GJA1: variants seen among roughly 807,000 people sequenced by gnomAD.
The protein encoded by GJA1 is gap junction protein alpha 1, also known as gap junction alpha-1 protein.
In GJA1, 9 loss-of-function variants were observed where a neutral mutation model predicts 31.0. The ratio of observed to expected loss-of-function variants is 0.29; its 90% confidence interval spans 0.17 to 0.51. The LOEUF (loss-of-function observed/expected upper bound fraction) is 0.51, where lower values mean the gene tolerates loss of function less well. Among genes scored for constraint, GJA1 ranks in the 20% least tolerant of loss-of-function variants. GJA1 has a pLI of 0.98. For missense variants in GJA1, 278 were observed against 468.8 expected (o/e 0.59, Z 3.76); for synonymous variants, 186 against 180.1 (o/e 1.03, Z -0.26).
intron 1 of GJA1, among the ~76,000 whole-genome samples, chr6:121,441,602 A>G (rs1442505675): frequency 4.6e-5 from 7 of 152,186 alleles, no homozygotes; most frequent in Non-Finnish European, 1.0e-4. Flanking sequence ...GACTGGGGAA[A>G]GGATGTTGCT....
rs1208891037 is a variant in GJA1, at chr6:121,447,462, G to A, written c.615G>A (p.Glu205=). 3 of 1,613,944 alleles carry A rather than the reference G, an allele frequency of 1.9e-6. No homozygotes were observed. The highest frequency in any genetic ancestry group is 2.5e-6 in the Non-Finnish European group (3 of 1,180,032). ...QVDCFLSRPT[E]KTIFIIFMLV... ...ACTGTTTCCTCTCTCGCCCCACGGAGAAAACCATCTTCATCATCTTCATGC... is the reference window on the plus strand; with the variant it reads ...ACTGTTTCCTCTCTCGCCCCACGGAAAAAACCATCTTCATCATCTTCATGC... Residue 205 remains glutamate, a synonymous_variant, in exon 2 of 2, where the codon GAG becomes GAA. Coordinates refer to ENST00000282561, the MANE Select transcript of GJA1 (RefSeq NM_000165.5).
At chr6:121,444,115 G>A (rs1260752694) in intron 1 of GJA1, among the ~76,000 whole-genome samples, 6 of 151,798 alleles carry the variant, frequency 4.0e-5, no homozygotes, top group African/African-American at 2.4e-5. Context: ...TGTCCATCAC[G>A]GCTAAATTAC....
intron 1 of GJA1, among the ~76,000 whole-genome samples, chr6:121,440,878 A>AT (rs1241365103): frequency 6.6e-6 from 1 of 151,860 alleles, no homozygotes; most frequent in Non-Finnish European, 1.5e-5. Context: ...AGTAGCTGGG[A>AT]TTACAGGCAC....
chr6:121,445,197 G>A lies in GJA1; in HGVS notation c.-16-1635G>A, dbSNP rs146326556. On this transcript the variant is annotated intron_variant, in intron 1 of 1. Coordinates refer to ENST00000282561, the MANE Select transcript of GJA1 (RefSeq NM_000165.5). ...AGACGGAGTCTCTCTTTGTCACCCA[G>A]GCTGGAGTGCAGTGGCGTGATCTCT... is the stretch of plus-strand genomic sequence containing the variant. Among the ~76,000 whole-genome samples the A allele has an allele frequency of 7.6e-3, 1,152 of 152,316 alleles. 16 individuals carry two copies. Among genetic ancestry groups the A allele is most frequent in the African/African-American group, 0.027 (1,108 of 41,566 alleles).
chr6:121,438,489 C>T (rs1169809329), intron 1 of GJA1, among the ~76,000 whole-genome samples: 2 of 152,150 alleles, frequency 1.3e-5, no homozygotes. Context: ...ACACGGGGTG[C>T]ATTCTTTCTT....
chr6:121,441,098 A>C (rs774297841), intron 1 of GJA1, among the ~76,000 whole-genome samples: 2 of 152,116 alleles, frequency 1.3e-5, no homozygotes, highest in Non-Finnish European at 2.9e-5. Flanking sequence ...GCCCGCCACC[A>C]CGCCCGGCTA....
chr6:121,442,869 C>T (rs370001304), intron 1 of GJA1, among the ~76,000 whole-genome samples: 7 of 152,110 alleles, frequency 4.6e-5, no homozygotes, highest in Non-Finnish European at 8.8e-5. Context: ...CGGCAAAAAG[C>T]GTGGTCCAGC....
At chr6:121,437,795 A>G (rs1264224338) in intron 1 of GJA1, among the ~76,000 whole-genome samples, 3 of 152,188 alleles carry the variant, frequency 2.0e-5, no homozygotes, top group Non-Finnish European at 2.9e-5. Flanking sequence ...TATTTGGAAG[A>G]CGGTTGAATT....
chr6:121,447,036 T>C lies in GJA1; in HGVS notation c.189T>C (p.Asn63=), dbSNP rs139688042. 43 of 1,613,862 alleles carry C rather than the reference T, an allele frequency of 2.7e-5. No homozygotes were observed. The African/African-American group carries it at 4.1e-4, about 16-fold the overall frequency. Residue 63 remains asparagine, a synonymous_variant, in exon 2 of 2, where the codon AAT becomes AAC. Coordinates refer to ENST00000282561, the MANE Select transcript of GJA1 (RefSeq NM_000165.5). ...RCNTQQPGCE[N]VCYDKSFPIS... ...ACACTCAGCAACCTGGTTGTGAAAATGTCTGCTATGACAAGTCTTTCCCAA... is the reference window on the plus strand; with the variant it reads ...ACACTCAGCAACCTGGTTGTGAAAACGTCTGCTATGACAAGTCTTTCCCAA...
At chr6:121,436,363 T>C (rs1375947507) in intron 1 of GJA1, among the ~76,000 whole-genome samples, 1 of 152,224 alleles carries the variant, frequency 6.6e-6, no homozygotes, top group East Asian at 1.9e-4. Context: ...ACTTCTTTTG[T>C]GACGAAGTGC....
chr6:121,442,500 G>A (rs749402477), intron 1 of GJA1, among the ~76,000 whole-genome samples: 1 of 152,230 alleles, frequency 6.6e-6, no homozygotes, highest in Non-Finnish European at 1.5e-5. Context: ...TGCCCAGAGA[G>A]CTGCTGCTCC....
chr6:121,439,640 A>G (rs908446493), intron 1 of GJA1, among the ~76,000 whole-genome samples: 2 of 152,118 alleles, frequency 1.3e-5, no homozygotes, highest in African/African-American at 4.8e-5. Context: ...GGGATGCACC[A>G]TCCTCTCTTT....
At position 121,449,327 on chromosome 6, in the gene GJA1, CTATTA is replaced by C. The variant is rs1379176822; in HGVS notation, c.*1333_*1337del. The C allele has an allele frequency of 6.0e-6, 1 of 167,034 alleles. No individual in the cohort carries two copies. Among genetic ancestry groups the C allele is most frequent in the African/African-American group, 2.4e-5 (1 of 41,452 alleles). The allele number at this position is 167,034 out of a possible 1,614,324, so 10.3% of individuals were successfully genotyped here. ...TACACAGTAATTCAGAACTTGTATT[CTATTA>C]TGAGTTTAGCAGTCTTTTGGAGTGA... On this transcript the variant is annotated 3_prime_UTR_variant, in exon 2 of 2. Transcript: ENST00000282561.
intron 1 of GJA1, among the ~76,000 whole-genome samples, chr6:121,440,942 G>GTTGTTGTTT (rs1198097063): frequency 5.1e-5 from 7 of 137,252 alleles, no homozygotes; most frequent in African/African-American, 2.2e-4. Flanking sequence ...TGTTGTTGTT[G>GTTGTTGTTT]TTTGTCGTTT....
Position 121,446,818 on chromosome 6 carries a change from T to C in GJA1, c.-16-14T>C. 6.5e-7 allele frequency: 1 copy of C among 1,535,698 alleles called. No homozygotes were observed. The highest frequency in any genetic ancestry group is 9.0e-7 in the Non-Finnish European group (1 of 1,108,258). ...CAATCTGTGATCCTTGAATTGTCTC[T>C]TTGTTTCTTTCAGGTGGTGCCCAGG... On this transcript the variant is annotated splice_polypyrimidine_tract_variant and intron_variant, in intron 1 of 1. Transcript: ENST00000282561.
intron 1 of GJA1, among the ~76,000 whole-genome samples, chr6:121,444,977 C>T (rs927603977): frequency 2.0e-5 from 3 of 152,212 alleles, no homozygotes; most frequent in Non-Finnish European, 4.4e-5. Context: ...CAGTGTGAGG[C>T]ATTGAAAAGA....
At position 121,447,391 on chromosome 6, in the gene GJA1, A is replaced by G; in HGVS notation, c.544A>G (p.Ser182Gly). Residue 182 changes from serine (S) to glycine (G), a missense_variant, in exon 2 of 2, where the codon AGT becomes GGT. Ser to Gly is a moderately conservative substitution (Grantham distance 56, BLOSUM62 0). This residue lies in a region of GJA1 where 80 missense variants were observed against 163.5 expected (regional missense o/e 0.49). Coordinates refer to ENST00000282561, the MANE Select transcript of GJA1 (RefSeq NM_000165.5). Reference sequence around the variant, plus strand: ...GTGGTACATCTATGGATTCAGCTTGAGTGCTGTTTACACTTGCAAAAGAGA... The same window carrying G: ...GTGGTACATCTATGGATTCAGCTTGGGTGCTGTTTACACTTGCAAAAGAGA... The part of the protein sequence containing the change: ...IQWYIYGFSL[S>G]AVYTCKRDPC... 1 of 1,613,892 alleles carries G rather than the reference A, an allele frequency of 6.2e-7. No homozygotes were observed. Among genetic ancestry groups the G allele is most frequent in the African/African-American group, 1.3e-5 (1 of 74,972 alleles).
intron 1 of GJA1, among the ~76,000 whole-genome samples, chr6:121,446,155 C>T (rs151013994): frequency 4.6e-4 from 70 of 152,124 alleles, no homozygotes; most frequent in African/African-American, 1.5e-3. Context: ...ATTAGCCAGG[C>T]GTGATGGCAC....
At chr6:121,438,537 G>A (rs935164364) in intron 1 of GJA1, among the ~76,000 whole-genome samples, 2 of 151,716 alleles carry the variant, frequency 1.3e-5, no homozygotes, top group African/African-American at 4.9e-5. Flanking sequence ...CTTGGTTTGA[G>A]CCTTTATATA....
Sources: allele counts gnomAD v4.1 joint callset (sites outside exome capture counted in the v4.1 genomes callset), GRCh38; gene constraint gnomAD v4.1.1; regional missense constraint gnomAD v4.1.1; transcripts MANE v1.5; gene names NCBI Gene and HGNC (gene_info 2026-07-23, HGNC 2026-07-21).